LAMP5: variants seen among roughly 807,000 people sequenced by gnomAD.
LAMP5 encodes lysosome associated membrane protein 5.
In LAMP5, 36 loss-of-function variants were observed where a neutral mutation model predicts 30.2. The observed-to-expected ratio is 1.19, with a 90% confidence interval of 0.91 to 1.57. The LOEUF is 1.57. Ranked by LOEUF, LAMP5 falls within the 40% of genes most tolerant of loss-of-function variation. The pLI is 0.00. For synonymous variants in LAMP5, 149 were observed against 134.6 expected, an observed-to-expected ratio of 1.11 and a Z score of -0.74; for missense variants, 377 against 354.9, an observed-to-expected ratio of 1.06 and a Z score of -0.50.
At chr20:9,514,960 T>C in intron 1 of LAMP5, 44 bp downstream of exon 1, 1 of 1,555,438 alleles carries the variant, frequency 6.4e-7, no homozygotes, top group Non-Finnish European at 8.9e-7. Flanking sequence ...GGGCACTCTT[T>C]GCAGAGAACA....
At chr20:9,516,755 G>A (rs58217544) in intron 4 of LAMP5, among the ~76,000 whole-genome samples, 4,294 of 152,258 alleles carry the variant, frequency 0.028, 199 homozygotes, top group African/African-American at 0.096. Context: ...AAAACTGCAA[G>A]GGGGCAGTGC....
At chr20:9,528,789 T>TATCA (rs2045131141) in intron 5 of LAMP5, among the ~76,000 whole-genome samples, 2 of 152,350 alleles carry the variant, frequency 1.3e-5, no homozygotes, top group East Asian at 3.9e-4. Flanking sequence ...TTCTGACTTC[T>TATCA]ATCACCACAG....
rs2045038965 is a variant in LAMP5 at position 9,516,286 on chromosome 20, G to A, written c.400G>A (p.Ala134Thr). 1 of 1,614,078 alleles carries A rather than the reference G, an allele frequency of 6.2e-7. No individual in the cohort carries two copies. The highest frequency in any genetic ancestry group is 1.7e-5 in the Admixed American group (1 of 60,012). Residue 134 changes from alanine (A) to threonine (T), a missense_variant, in exon 4 of 6, where the codon GCG becomes ACG. Coordinates refer to ENST00000246070, the MANE Select transcript of LAMP5 (RefSeq NM_012261.4). ...ESHNMSKGPE[A>T]TWRLSKVQFV... is the part of the protein sequence containing the mutation. The stretch of plus-strand genomic sequence containing the variant: ...CCACAACATGTCCAAGGGACCTGAG[G>A]CGACTTGGAGGCTGAGCAAAGTGCA...
rs2045020819 is a variant in LAMP5, at chr20:9,514,701, C to T, written c.-152C>T. The stretch of plus-strand genomic sequence containing the variant: ...TGCCGCGCTCGACACCGAGTCCTAG[C>T]TAGGCGCTCACAGAATACGCGCTCC... On this transcript the variant is annotated 5_prime_UTR_variant, in exon 1 of 6. Coordinates refer to ENST00000246070, the MANE Select transcript of LAMP5 (RefSeq NM_012261.4). 2 of 659,334 alleles carry T rather than the reference C, an allele frequency of 3.0e-6. No individual in the cohort carries two copies. The highest frequency in any genetic ancestry group is 5.3e-6 in the Non-Finnish European group (2 of 377,644). The allele number at this position is 659,334 out of a possible 1,614,324, so 40.8% of individuals were successfully genotyped here.
rs1256955820 is a variant in LAMP5, at chr20:9,515,473, G to A, written c.85G>A (p.Ala29Thr). The A allele has an allele frequency of 5.6e-6, 9 of 1,614,014 alleles. No individual in the cohort carries two copies. The highest frequency in any genetic ancestry group is 6.8e-6 in the Non-Finnish European group (8 of 1,179,932). The change falls in exon 2 of 6, where the codon GCA becomes ACA. Residue 29 changes from alanine (A) to threonine (T), a missense_variant. Transcript: ENST00000246070. ...CGCAGATACAATGGCTCAAATCATG[G>A]CAGAACAAGAAGTGGAAAATCTCTC... Reference protein sequence around the residue: ...MLFHTMAQIMAEQEVENLSGL... With the variant: ...MLFHTMAQIMTEQEVENLSGL...
chr20:9,516,464 G>A, intron 4 of LAMP5, 103 bp downstream of exon 4: 1 of 977,362 alleles, frequency 1.0e-6, no homozygotes, highest in Non-Finnish European at 1.6e-6. Context: ...ACGCTTTGAG[G>A]TCCCAGGCCA....
At chr20:9,515,380 G>C in intron 1 of LAMP5, 73 bp from the exon 2 acceptor site, 2 of 1,445,256 alleles carry the variant, frequency 1.4e-6, no homozygotes, top group Non-Finnish European at 1.9e-6. Context: ...GCAGAGCACT[G>C]TCTCCCCACC....
chr20:9,516,821 G>A (rs2045044055), intron 4 of LAMP5, among the ~76,000 whole-genome samples: 1 of 152,170 alleles, frequency 6.6e-6, no homozygotes, highest in Non-Finnish European at 1.5e-5. Flanking sequence ...GCGCATGGCA[G>A]CATGGCTCGC....
intron 5 of LAMP5, among the ~76,000 whole-genome samples, chr20:9,527,521 G>A (rs768765307): frequency 3.9e-5 from 6 of 152,146 alleles, no homozygotes; most frequent in African/African-American, 7.2e-5. Flanking sequence ...TGAGAGAAGG[G>A]ACTATGTCAA....
In LAMP5 at chr20:9,520,550, AC is replaced by A. The variant is rs2045072646; in HGVS notation, c.664+2324del. 2.6e-5 allele frequency among the ~76,000 whole-genome samples: 4 copies of A among 151,672 alleles called. No individual in the cohort carries two copies. The South Asian group carries it at 8.3e-4, about 32-fold the overall frequency. On this transcript the variant is annotated intron_variant, in intron 5 of 5. Transcript: ENST00000246070. ...GGAATATCACGTCATATATCTGCAC[AC>A]CTACTGCAGGGGTGTGTCCGTGTGT...
rs535015114 is a variant in LAMP5, at chr20:9,530,278, A to G, written c.*458A>G. 1.0e-4 allele frequency: 16 copies of G among 153,744 alleles called. No homozygotes were observed. The highest frequency in any genetic ancestry group is 1.5e-5 in the Non-Finnish European group (1 of 68,646). 9.5% of individuals were successfully genotyped at this position (153,744 alleles called of 1,614,324 possible). ...GTCAATGCACACAGAATACAACCTC[A>G]TGCTCCCTGCAGCAAGACCCCTGAA... On this transcript the variant is annotated 3_prime_UTR_variant, in exon 6 of 6. Coordinates refer to ENST00000246070, the MANE Select transcript of LAMP5 (RefSeq NM_012261.4).
intron 5 of LAMP5, among the ~76,000 whole-genome samples, chr20:9,526,704 TGTAATAA>T (rs2045114535): frequency 6.6e-6 from 1 of 151,970 alleles, no homozygotes. Flanking sequence ...AACTTTTGGT[TGTAATAA>T]GAAGAAAGGC....
chr20:9,515,000 A>G, intron 1 of LAMP5, 84 bp downstream of exon 1: 1 of 1,291,954 alleles, frequency 7.7e-7, no homozygotes, highest in Non-Finnish European at 1.1e-6. Flanking sequence ...AATTAGCTTG[A>G]GATAAAAAAT....
In LAMP5 at chr20:9,515,450, C is replaced by T. The variant is rs762262208; in HGVS notation, c.65-3C>T. 16 of 1,612,492 alleles carry T rather than the reference C, an allele frequency of 9.9e-6. No individual in the cohort carries two copies. Among genetic ancestry groups the T allele is most frequent in the Admixed American group, 5.0e-5 (3 of 59,918 alleles). On this transcript the variant is annotated splice_polypyrimidine_tract_variant and splice_region_variant and intron_variant, in intron 1 of 5. Transcript: ENST00000246070. ...TGATGGAATTGTTTTGTTTGTTCCG[C>T]AGATACAATGGCTCAAATCATGGCA...
At chr20:9,528,091 G>A (rs2045125871) in intron 5 of LAMP5, among the ~76,000 whole-genome samples, 1 of 152,194 alleles carries the variant, frequency 6.6e-6, no homozygotes, top group Non-Finnish European at 1.5e-5. Context: ...AGAAAATGTG[G>A]TGCATATACA....
chr20:9,516,176 G>C (rs2045037505), intron 3 of LAMP5, 45 bp downstream of exon 3: 6 of 1,601,658 alleles, frequency 3.7e-6, no homozygotes, highest in African/African-American at 2.7e-5. Context: ...GCTCCGCGTG[G>C]GTGTGGGAAG....
At position 9,529,853 on chromosome 20, in the gene LAMP5, C is replaced by G; in HGVS notation, c.*33C>G. 1.2e-6 allele frequency: 2 copies of G among 1,602,686 alleles called. No homozygotes were observed. Among genetic ancestry groups the G allele is most frequent in the Non-Finnish European group, 8.5e-7 (1 of 1,170,688 alleles). ...TAGGCAGGCACCCCCTATTCCTGCTCCCCCAACTGGATCAGGTAGAACAAC... is the reference window on the plus strand; with the variant it reads ...TAGGCAGGCACCCCCTATTCCTGCTGCCCCAACTGGATCAGGTAGAACAAC... On this transcript the variant is annotated 3_prime_UTR_variant, in exon 6 of 6. Coordinates refer to ENST00000246070, the MANE Select transcript of LAMP5 (RefSeq NM_012261.4).
At chr20:9,526,549 G>T (rs886782801) in intron 5 of LAMP5, among the ~76,000 whole-genome samples, 1 of 152,116 alleles carries the variant, frequency 6.6e-6, no homozygotes, top group Non-Finnish European at 1.5e-5. Flanking sequence ...TTCTAGGCCT[G>T]CCACTCTTTC....
intron 5 of LAMP5, among the ~76,000 whole-genome samples, chr20:9,518,848 A>C (rs557122672): frequency 6.6e-6 from 1 of 152,368 alleles, no homozygotes; most frequent in East Asian, 1.9e-4. Context: ...TCATGGACTC[A>C]TCAAGTCTTT....
Sources: gnomAD v4.1 joint callset for allele counts (sites outside exome capture counted in the v4.1 genomes callset) on GRCh38, gnomAD v4.1.1 for gene constraint, MANE v1.5 for transcripts, NCBI Gene and HGNC (gene_info 2026-07-23, HGNC 2026-07-21) for gene names.